ADAM19: variants seen among roughly 807,000 people sequenced by gnomAD.
ADAM19 encodes disintegrin and metalloproteinase domain-containing protein 19.
A neutral mutation model predicts 114.7 loss-of-function variants in ADAM19; 65 were observed. That is an observed-to-expected ratio of 0.57 (90% CI 0.46 to 0.70). ADAM19 has a LOEUF of 0.70. ADAM19 is among the 30% of genes least tolerant of loss of function. ADAM19 has a pLI of 0.00. For synonymous variants in ADAM19, 466 were observed against 460.5 expected (o/e 1.01, Z -0.15); for missense variants, 1,063 against 1,204.7 (o/e 0.88, Z 1.74).
At chr5:157,513,553 G>C (rs1561538379) in intron 7 of ADAM19, 48 bp from the exon 8 acceptor site, 3 of 1,529,184 alleles carry the variant, frequency 2.0e-6, no homozygotes, top group Non-Finnish European at 2.7e-6. Context: ...CCTCTCACAG[G>C]ATGCTTCCTG....
rs36056270 is a variant in ADAM19, at chr5:157,478,290, C to CAAAAAAAAAAAA, written c.*2647_*2658dup. On this transcript the variant is annotated 3_prime_UTR_variant, in exon 23 of 23. Coordinates refer to ENST00000257527, the MANE Select transcript of ADAM19 (RefSeq NM_033274.5). ...CAGCAAACAGCCCCTCCCCTGGAGA[C>CAAAAAAAAAAAA]AAAAAAAAAAAAAAAAAAAAAAAGG... 2.9e-5 allele frequency: 2 copies of CAAAAAAAAAAAA among 69,390 alleles called. No homozygotes were observed. The highest frequency in any genetic ancestry group is 5.5e-5 in the Non-Finnish European group (2 of 36,312). The allele number at this position is 69,390 out of a possible 1,614,324, so 4.3% of individuals were successfully genotyped here. A position where few individuals can be genotyped will look rare whatever the true frequency, so the allele number is the denominator to read the frequency against.
Position 157,499,563 on chromosome 5 carries a change from G to C in ADAM19, c.1398+10C>G, listed in dbSNP as rs1448443523. On this transcript the variant is annotated intron_variant, in intron 13 of 22. Transcript: ENST00000257527. ...CCAGGGCCCAAGGCGTGGAGAAAAG[G>C]GCCACTTACCTTACACTGGTGGCAG... The C allele has an allele frequency of 2.5e-6, 4 of 1,610,662 alleles. No homozygotes were observed. The highest frequency in any genetic ancestry group is 3.4e-6 in the Non-Finnish European group (4 of 1,178,016).
At chr5:157,484,486 G>A (rs1754867188) in intron 21 of ADAM19, among the ~76,000 whole-genome samples, 1 of 152,184 alleles carries the variant, frequency 6.6e-6, no homozygotes, top group Admixed American at 6.5e-5. Flanking sequence ...CAACTGCATA[G>A]AAGGGAGTTC....
rs1456202502 is a variant in ADAM19, at chr5:157,515,180, T to C, written c.667-1675A>G. On this transcript the variant is annotated intron_variant, in intron 7 of 22. Transcript: ENST00000257527. The stretch of plus-strand genomic sequence containing the variant: ...TCTAGAGTTAGATTCAGTGTGACAC[T>C]GTAACTTAGACCTTTCCAAGGTGTT... 2.0e-5 allele frequency among the ~76,000 whole-genome samples: 3 copies of C among 152,222 alleles called. No individual in the cohort carries two copies. In the South Asian group the frequency reaches 6.2e-4, roughly 32 times the overall value.
chr5:157,494,846 A>C, intron 14 of ADAM19, 51 bp from the exon 15 acceptor site: 1 of 1,436,724 alleles, frequency 7.0e-7, no homozygotes, highest in African/African-American at 1.4e-5. Context: ...AGAAGCCCCC[A>C]AGGGCAAAGG....
intron 21 of ADAM19, among the ~76,000 whole-genome samples, chr5:157,485,922 T>C (rs1177870744): frequency 6.6e-6 from 1 of 152,248 alleles, no homozygotes. Flanking sequence ...CCAGAGTCAC[T>C]GCCCCAGCAG....
chr5:157,524,691 T>C (rs1756403990), intron 5 of ADAM19, among the ~76,000 whole-genome samples: 1 of 152,228 alleles, frequency 6.6e-6, no homozygotes. Flanking sequence ...TTGTAGGTCA[T>C]GTACTTTCTC....
intron 14 of ADAM19, 125 bp downstream of exon 14, chr5:157,496,769 G>T (rs1250048995): frequency 5.2e-6 from 4 of 774,958 alleles, no homozygotes; most frequent in Non-Finnish European, 7.8e-6. Flanking sequence ...TGAGTCAAGG[G>T]GATGAAAGAG....
chr5:157,554,172 G>A (rs1757281826), intron 3 of ADAM19, among the ~76,000 whole-genome samples: 1 of 152,132 alleles, frequency 6.6e-6, no homozygotes, highest in South Asian at 2.1e-4. Flanking sequence ...TTATCTGAAG[G>A]TAAGCAGCCT....
chr5:157,499,772 T>G, intron 12 of ADAM19, 110 bp from the exon 13 acceptor site: 4 of 522,972 alleles, frequency 7.6e-6, no homozygotes, highest in Non-Finnish European at 6.7e-6. Context: ...AGCAACTATC[T>G]CTTTTTTTTT....
intron 13 of ADAM19, among the ~76,000 whole-genome samples, chr5:157,497,886 A>G (rs916952575): frequency 6.6e-6 from 1 of 152,224 alleles, no homozygotes; most frequent in Non-Finnish European, 1.5e-5. Flanking sequence ...CAGAGAGTTA[A>G]TAGGTTGCCC....
At chr5:157,489,815 G>A (rs546478779) in intron 19 of ADAM19, among the ~76,000 whole-genome samples, 4 of 152,240 alleles carry the variant, frequency 2.6e-5, no homozygotes, top group East Asian at 1.9e-4. Flanking sequence ...GTGAAACCCC[G>A]TCTCTACTAA....
intron 3 of ADAM19, among the ~76,000 whole-genome samples, chr5:157,544,371 C>G (rs6888995): frequency 0.012 from 1,757 of 152,308 alleles, 28 homozygotes; most frequent in African/African-American, 0.04. Flanking sequence ...TTTCACCAAC[C>G]ACTTCCCACG....
Position 157,479,073 on chromosome 5 carries a change from T to C in ADAM19, c.*1876A>G, listed in dbSNP as rs1473186617. 8.1e-6 allele frequency: 8 copies of C among 985,568 alleles called. No individual in the cohort carries two copies. In the South Asian group the frequency reaches 1.4e-4, roughly 17 times the overall value. 61.1% of individuals were successfully genotyped at this position (985,568 alleles called of 1,614,324 possible). On this transcript the variant is annotated 3_prime_UTR_variant, in exon 23 of 23. Transcript: ENST00000257527. ...GAGGGTAGCACATTTAAATAAAAGG[T>C]TGGGCCACAGGAAAGGTGGGGAATG...
chr5:157,492,869 G>T, intron 16 of ADAM19, 104 bp downstream of exon 16: 1 of 1,240,684 alleles, frequency 8.1e-7, no homozygotes, highest in Non-Finnish European at 1.2e-6. Context: ...AGGCTCAGAG[G>T]TTGGCGAGGT....
At chr5:157,560,511 T>C (rs1355252996) in intron 3 of ADAM19, among the ~76,000 whole-genome samples, 1 of 152,206 alleles carries the variant, frequency 6.6e-6, no homozygotes, top group Non-Finnish European at 1.5e-5. Context: ...TGATTACATG[T>C]GTGTATAAAT....
chr5:157,509,775 A>G (rs1364892609), intron 8 of ADAM19, among the ~76,000 whole-genome samples: 2 of 152,202 alleles, frequency 1.3e-5, no homozygotes, highest in African/African-American at 4.8e-5. Context: ...TTGTTTAGAG[A>G]TGACTGAGAT....
intron 4 of ADAM19, among the ~76,000 whole-genome samples, chr5:157,532,281 G>A (rs957815638): frequency 2.6e-5 from 4 of 152,216 alleles, no homozygotes; most frequent in African/African-American, 9.7e-5. Flanking sequence ...CCTTCGTGGG[G>A]CTTATGGTCT....
In ADAM19 at chr5:157,494,790, G is replaced by A; in HGVS notation, c.1600C>T (p.Arg534Ter). Reference protein sequence around the residue: ...QCQQLWGPGARPAPDLCFEKV... With the variant: ...QCQQLWGPGA The stretch of plus-strand genomic sequence containing the variant: ...TCGAAGCAGAGGTCAGGGGCAGGTC[G>A]GGCTCCTGGGTGGGCAAGCAACATC... Residue 534 changes from arginine to a stop codon, truncating the protein, a stop_gained, in exon 15 of 23, where the codon CGA (arginine) becomes TGA (stop). Coordinates refer to ENST00000257527, the MANE Select transcript of ADAM19 (RefSeq NM_033274.5). LOFTEE classifies it high-confidence loss of function. 1.2e-6 allele frequency: 2 copies of A among 1,613,384 alleles called. No individual in the cohort carries two copies. Among genetic ancestry groups the A allele is most frequent in the Non-Finnish European group, 1.7e-6 (2 of 1,179,504 alleles).
Sources: gnomAD v4.1 joint callset for allele counts (sites outside exome capture counted in the v4.1 genomes callset) on GRCh38, gnomAD v4.1.1 for gene constraint, MANE v1.5 for transcripts, NCBI Gene and HGNC (gene_info 2026-07-23, HGNC 2026-07-21) for gene names.